Variants in SVEP1 observed in about 807,000 individuals in gnomAD.
The protein encoded by SVEP1 is sushi, von Willebrand factor type A, EGF and pentraxin domain containing 1, also known as sushi, von Willebrand factor type A, EGF and pentraxin domain-containing protein 1.
Under a neutral mutation model 367.3 loss-of-function variants are expected in SVEP1, and 164 were observed. The observed-to-expected ratio is 0.45, with a 90% CI of 0.39 to 0.51. The LOEUF (loss-of-function observed/expected upper bound fraction) is 0.51, where lower values mean the gene tolerates loss of function less well. SVEP1 is among the 20% of genes least tolerant of loss of function. The pLI, the probability that SVEP1 is intolerant of heterozygous loss-of-function variation, is 0.00. For synonymous variants in SVEP1, 1,666 were observed against 1,611.6 expected (o/e 1.03, Z -0.81); for missense variants, 4,117 against 4,425.3 (o/e 0.93, Z 1.98).
intron 43 of SVEP1, among the ~76,000 whole-genome samples, chr9:110,381,890 AT>A (rs1827444100): frequency 6.6e-6 from 1 of 152,170 alleles, no homozygotes; most frequent in Admixed American, 6.5e-5. Flanking sequence ...GTGCCTATAT[AT>A]TTAGGATAGT....
chr9:110,578,847 A>G (rs749377270), intron 1 of SVEP1, among the ~76,000 whole-genome samples, 166 bp downstream of exon 1: 14 of 152,138 alleles, frequency 9.2e-5, no homozygotes, highest in Non-Finnish European at 1.9e-4. Context: ...AACCTCCACA[A>G]CAATAATAGG....
At chr9:110,412,410 C>T (rs1828057284) in intron 36 of SVEP1, among the ~76,000 whole-genome samples, 1 of 152,144 alleles carries the variant, frequency 6.6e-6, no homozygotes, top group African/African-American at 2.4e-5. Context: ...GGATTAAAGA[C>T]TTAAACGTTA....
Position 110,450,245 on chromosome 9 carries a change from G to T in SVEP1, c.3917C>A (p.Thr1306Lys). Residue 1306 changes from threonine to lysine, a missense_variant, in exon 24 of 48, where the codon ACA (threonine) becomes AAA (lysine). This residue lies in a region of SVEP1 where 2,174 missense variants were observed against 2,494.3 expected (regional missense o/e 0.87). Transcript: ENST00000374469. ...VKGFVGLHCE[T>K]EVNECQSNPC... is the part of the protein sequence containing the mutation. ...GTTTGACTGGCATTCATTGACTTCT[G>T]TTTCACAATGCAGGCCTGAGGATGG... 6.2e-7 allele frequency: 1 copy of T among 1,613,766 alleles called. No individual in the cohort carries two copies. Among genetic ancestry groups the T allele is most frequent in the Non-Finnish European group, 8.5e-7 (1 of 1,179,784 alleles).
At chr9:110,518,444 G>A (rs1001331047) in intron 3 of SVEP1, among the ~76,000 whole-genome samples, 1 of 151,582 alleles carries the variant, frequency 6.6e-6, no homozygotes, top group Admixed American at 6.6e-5. Context: ...AGTAAATGCA[G>A]TTATATATAA....
chr9:110,457,048 C>T (rs1353435808), intron 21 of SVEP1, among the ~76,000 whole-genome samples: 1 of 152,036 alleles, frequency 6.6e-6, no homozygotes, highest in Non-Finnish European at 1.5e-5. Flanking sequence ...AGTCTTTATT[C>T]TTTATCCAAA....
At chr9:110,441,579 T>C (rs533902975) in intron 27 of SVEP1, among the ~76,000 whole-genome samples, 2 of 152,344 alleles carry the variant, frequency 1.3e-5, no homozygotes, top group East Asian at 3.9e-4. Context: ...TGGATACACA[T>C]CCAGGGATCT....
chr9:110,474,498 C>T (rs1252472446), intron 14 of SVEP1, among the ~76,000 whole-genome samples: 1 of 152,092 alleles, frequency 6.6e-6, no homozygotes, highest in African/African-American at 2.4e-5. Flanking sequence ...GCCACCTGCC[C>T]ATGCTTTTTT....
At chr9:110,389,684 T>TCAGCACTGGAATGCTAAATAAA in intron 40 of SVEP1, 97 bp from the exon 41 acceptor site, 1 of 1,350,446 alleles carries the variant, frequency 7.4e-7, no homozygotes, top group African/African-American at 1.5e-5. Flanking sequence ...CTTGAATCGC[T>TCAGCACTGGAATGCTAAATAAA]CAGCACTGGA....
Position 110,411,487 on chromosome 9 carries a change from A to G in SVEP1, c.6224T>C (p.Met2075Thr). 6.2e-7 allele frequency: 1 copy of G among 1,614,056 alleles called. No homozygotes were observed. Residue 2075 changes from methionine to threonine, a missense_variant, in exon 37 of 48, where the codon ATG becomes ACG. Coordinates refer to ENST00000374469, the MANE Select transcript of SVEP1 (RefSeq NM_153366.4). The part of the protein sequence containing the change: ...GKWVPPEGQD[M>T]PRCIAHFCEK... ...ACAGAAATGAGCTATACAACGGGGC[A>G]TGTCTTGACCTTCTGGGGGTACCCA...
chr9:110,387,784 C>G (rs1383529132), intron 41 of SVEP1, among the ~76,000 whole-genome samples: 1 of 152,128 alleles, frequency 6.6e-6, no homozygotes, highest in African/African-American at 2.4e-5. Context: ...TGGCCAAGAA[C>G]TTTTCAAACA....
chr9:110,493,137 G>C (rs1829395444), intron 8 of SVEP1, among the ~76,000 whole-genome samples: 1 of 152,058 alleles, frequency 6.6e-6, no homozygotes, highest in South Asian at 2.1e-4. Context: ...ATGTATGACA[G>C]TGCTTGGAGC....
intron 6 of SVEP1, 69 bp downstream of exon 6, chr9:110,502,969 A>C (rs1829559345): frequency 2.0e-6 from 3 of 1,519,882 alleles, no homozygotes; most frequent in Non-Finnish European, 2.7e-6. Context: ...TTAGGTCTTC[A>C]CAGAATACTG....
At chr9:110,448,482 G>T (rs10980391) in intron 24 of SVEP1, among the ~76,000 whole-genome samples, 19,572 of 152,216 alleles carry the variant, frequency 0.13, 1,589 homozygotes, top group South Asian at 0.23. Flanking sequence ...CAAAATCTCA[G>T]TTGGAATTGA....
At chr9:110,434,266 T>C (rs1828397872) in intron 30 of SVEP1, 70 bp downstream of exon 30, 9 of 1,467,884 alleles carry the variant, frequency 6.1e-6, no homozygotes, top group Non-Finnish European at 8.3e-6. Flanking sequence ...TTGTCTAGCA[T>C]TCCTGAAAAG....
chr9:110,489,671 T>C lies in SVEP1; in HGVS notation c.1909A>G (p.Ile637Val), dbSNP rs13286541. ...TTACCAATAACCTTGATATGGAAAA[T>C]GCAGCTGGCCTGGTTGCCGGATAGG... ...TDLSGNQASC[I>V]FHIKVIDAEP... The change falls in exon 9 of 48, where the codon ATT (isoleucine) becomes GTT (valine). Residue 637 changes from isoleucine (I) to valine (V), a missense_variant. Around this residue, in one of 4 missense-constraint regions of SVEP1, gnomAD observed 2,174 missense variants for 2,494.3 expected, o/e 0.87. Transcript: ENST00000374469. 0.085 allele frequency: 136,380 copies of C among 1,612,798 alleles called. 6,462 individuals carry two copies. The highest frequency in any genetic ancestry group is 0.097 in the Non-Finnish European group (114,575 of 1,179,230).
chr9:110,494,526 T>C (rs1228479448), intron 8 of SVEP1, among the ~76,000 whole-genome samples: 5 of 152,234 alleles, frequency 3.3e-5, no homozygotes, highest in Non-Finnish European at 7.3e-5. Flanking sequence ...GTTCAGACTA[T>C]TCAATATCAG....
intron 36 of SVEP1, among the ~76,000 whole-genome samples, chr9:110,414,028 G>C (rs918912260): frequency 1.3e-5 from 2 of 152,014 alleles, no homozygotes; most frequent in African/African-American, 4.8e-5. Flanking sequence ...GAATTTGGTT[G>C]ATCAGTTTCC....
At chr9:110,473,241 A>G (rs1448126825) in intron 14 of SVEP1, among the ~76,000 whole-genome samples, 1 of 152,188 alleles carries the variant, frequency 6.6e-6, no homozygotes, top group African/African-American at 2.4e-5. Context: ...ATTAACTGGG[A>G]TTAATATCAT....
chr9:110,368,017 G>T (rs1827224199), intron 47 of SVEP1, among the ~76,000 whole-genome samples: 1 of 152,166 alleles, frequency 6.6e-6, no homozygotes, highest in South Asian at 2.1e-4. Flanking sequence ...GGTGGAGGTT[G>T]CAGTAAGCCG....
Sources: allele counts gnomAD v4.1 joint callset (sites outside exome capture counted in the v4.1 genomes callset), GRCh38; gene constraint gnomAD v4.1.1; regional missense constraint gnomAD v4.1.1; transcripts MANE v1.5; gene names NCBI Gene and HGNC (gene_info 2026-07-23, HGNC 2026-07-21).